Variants in KRT79 observed in about 807,000 individuals in gnomAD.
The protein encoded by KRT79 is keratin 79, also known as keratin, type II cytoskeletal 79.
KRT79 carries 51 observed loss-of-function variants against 49.0 expected under a neutral mutation model. The ratio of observed to expected loss-of-function variants is 1.04; its 90% CI spans 0.83 to 1.31. The LOEUF (loss-of-function observed/expected upper bound fraction) is 1.31, where lower values mean the gene tolerates loss of function less well. Ranked by LOEUF, KRT79 falls within the 40% of genes most tolerant of loss-of-function variation. The pLI is 0.00. For missense variants in KRT79, 728 were observed against 688.0 expected, an observed-to-expected ratio of 1.06 and a Z score of -0.65; for synonymous variants, 312 against 286.6, an observed-to-expected ratio of 1.09 and a Z score of -0.90.
rs762650014 is a variant in KRT79 at position 52,834,143 on chromosome 12, G to C, written c.118C>G (p.Arg40Gly). 7.4e-6 allele frequency: 12 copies of C among 1,613,374 alleles called. No individual in the cohort carries two copies. The highest frequency in any genetic ancestry group is 1.7e-5 in the Admixed American group (1 of 60,000). Residue 40 changes from arginine to glycine, a missense_variant, in exon 1 of 9, where the codon CGG becomes GGG. By Grantham distance (125) the Arg-to-Gly change is moderately radical. Transcript: ENST00000330553. ...RTSFSSVTVS[R>G]SSGSGGGAHC... ...GCCCCGCCACCACTGCCACTGCTCC[G>C]AGACACCGTCACTGAGCTGAAGCTG...
intron 4 of KRT79, 113 bp downstream of exon 4, chr12:52,829,910 T>A: frequency 4.6e-6 from 4 of 873,494 alleles, no homozygotes; most frequent in South Asian, 1.5e-5. Context: ...AGTGTTAAGG[T>A]TTCATCTTCC....
chr12:52,822,302 G>T, intron 8 of KRT79, 43 bp downstream of exon 8: 2 of 1,591,488 alleles, frequency 1.3e-6, no homozygotes, highest in African/African-American at 1.3e-5. Flanking sequence ...GAGTTCTGGG[G>T]CCTGGCCAGG....
chr12:52,833,929 G>A lies in KRT79; in HGVS notation c.332C>T (p.Pro111Leu), dbSNP rs1183779768. The A allele has an allele frequency of 4.3e-6, 7 of 1,613,682 alleles. No homozygotes were observed. The highest frequency in any genetic ancestry group is 5.9e-6 in the Non-Finnish European group (7 of 1,179,826). ...GACAGTGACCTCCTGGATCCCCCCAGGAGGACAAGCAGGCCCAAACGTCTG... is the reference window on the plus strand; with the variant it reads ...GACAGTGACCTCCTGGATCCCCCCAAGAGGACAAGCAGGCCCAAACGTCTG... ...GRQTFGPACP[P>L]GGIQEVTVNQ... The change falls in exon 1 of 9, where the codon CCT becomes CTT. Residue 111 changes from proline to leucine, a missense_variant. Physicochemically the swap from Pro to Leu is moderately conservative, Grantham distance 98. Coordinates refer to ENST00000330553, the MANE Select transcript of KRT79 (RefSeq NM_175834.3).
Position 52,822,153 on chromosome 12 carries a change from G to C in KRT79, c.1403-76C>G, listed in dbSNP as rs755150988. ...TGGGGGAGACCCAGAAATCAGTGGG[G>C]AATCAGAACAAAATCAAGCAGCAGA... is the stretch of plus-strand genomic sequence containing the variant. On this transcript the variant is annotated intron_variant, in intron 8 of 8. Coordinates refer to ENST00000330553, the MANE Select transcript of KRT79 (RefSeq NM_175834.3). The C allele has an allele frequency of 1.8e-5, 27 of 1,474,076 alleles. No individual in the cohort carries two copies. The African/African-American group carries it at 3.5e-4, about 19-fold the overall frequency. 91.3% of individuals were successfully genotyped at this position (1,474,076 alleles called of 1,614,324 possible). A position where few individuals can be genotyped will look rare whatever the true frequency, so the allele number is the denominator to read the frequency against.
Position 52,830,226 on chromosome 12 carries a change from G to A in KRT79, c.759+6C>T, listed in dbSNP as rs1317045420. 1 of 1,613,998 alleles carries A rather than the reference G, an allele frequency of 6.2e-7. No individual in the cohort carries two copies. Among genetic ancestry groups the A allele is most frequent in the East Asian group, 2.2e-5 (1 of 44,886 alleles). On this transcript the variant is annotated splice_donor_region_variant and intron_variant, in intron 3 of 8. Coordinates refer to ENST00000330553, the MANE Select transcript of KRT79 (RefSeq NM_175834.3). ...AGGACCACCTCCCCCACTCCACTCG[G>A]CTCACCTTCTTGAGCACCACAAACT...
chr12:52,823,717 C>A (rs1007886582), intron 6 of KRT79, among the ~76,000 whole-genome samples, 170 bp downstream of exon 6: 3 of 152,174 alleles, frequency 2.0e-5, no homozygotes, highest in Non-Finnish European at 4.4e-5. Flanking sequence ...TGGACAAGCT[C>A]CTTCCTGCTC....
At position 52,821,891 on chromosome 12, in the gene KRT79, G is replaced by T. The variant is rs376292220; in HGVS notation, c.1589C>A (p.Thr530Lys). ...CAGCAGCTAATACCTCTGGCTGGAC[G>T]TCTTGACCGTAGTGGTCTTCCGCAG... ...SILRKTTTVK[T>K]SSQRY The change falls in exon 9 of 9, where the codon ACG becomes AAG. Residue 530 changes from threonine (T) to lysine (K), a missense_variant. By Grantham distance (78) the Thr-to-Lys change is moderately conservative. Transcript: ENST00000330553. 1.2e-6 allele frequency: 2 copies of T among 1,613,948 alleles called. No homozygotes were observed. The highest frequency in any genetic ancestry group is 2.2e-5 in the South Asian group (2 of 91,062).
Position 52,822,009 on chromosome 12 carries a change from C to G in KRT79, c.1471G>C (p.Gly491Arg), listed in dbSNP as rs757697642. The G allele has an allele frequency of 1.9e-6, 3 of 1,614,232 alleles. No individual in the cohort carries two copies. The South Asian group carries it at 3.3e-5, about 18-fold the overall frequency. ...CCCTTGGTGGCCCCCCCACTCCCAC[C>G]CAGGGAGATGCCACCTCCAAAGCTG... Reference protein sequence around the residue: ...AASFGGGISLGGSGGATKGGF... With the variant: ...AASFGGGISLRGSGGATKGGF... The change falls in exon 9 of 9, where the codon GGT becomes CGT. Residue 491 changes from glycine to arginine, a missense_variant. By Grantham distance (125) the Gly-to-Arg change is moderately radical. Coordinates refer to ENST00000330553, the MANE Select transcript of KRT79 (RefSeq NM_175834.3).
chr12:52,821,613 C>CGCCGGATCACT lies in KRT79; in HGVS notation c.*258_*259insAGTGATCCGGC. 2.2e-5 allele frequency: 11 copies of CGCCGGATCACT among 494,322 alleles called. No homozygotes were observed. The highest frequency in any genetic ancestry group is 4.6e-5 in the South Asian group (2 of 43,478). 30.6% of individuals were successfully genotyped at this position (494,322 alleles called of 1,614,324 possible). ...AGAAATTCAGCCTCCTCTCGGTGGT[C>CGCCGGATCACT]AAAAGGTCACCCCCAAGTCACCCAA... On this transcript the variant is annotated 3_prime_UTR_variant, in exon 9 of 9. Transcript: ENST00000330553.
intron 8 of KRT79, 41 bp from the exon 9 acceptor site, chr12:52,822,118 C>A (rs1193186508): frequency 1.3e-6 from 2 of 1,598,346 alleles, no homozygotes; most frequent in Admixed American, 1.7e-5. Context: ...GCGGCCATGC[C>A]AGAGAGGGCT....
intron 4 of KRT79, among the ~76,000 whole-genome samples, chr12:52,827,393 T>C (rs1430335241): frequency 6.6e-6 from 1 of 152,170 alleles, no homozygotes; most frequent in African/African-American, 2.4e-5. Context: ...GAATGCTGAG[T>C]ATGCCAGCCA....
intron 2 of KRT79, among the ~76,000 whole-genome samples, chr12:52,830,617 A>G (rs2638500): frequency 0.67 from 101,265 of 152,170 alleles, 34,368 homozygotes; most frequent in African/African-American, 0.8. Context: ...GACCTTTACC[A>G]TCACTTTCAA....
At chr12:52,831,801 C>T (rs1190726378) in intron 1 of KRT79, among the ~76,000 whole-genome samples, 175 bp from the exon 2 acceptor site, 9 of 152,168 alleles carry the variant, frequency 5.9e-5, no homozygotes, top group African/African-American at 2.2e-4. Context: ...TGGAAACGAC[C>T]GTCCAATCTG....
rs766493970 is a variant in KRT79 at position 52,824,315 on chromosome 12, C to T, written c.903G>A (p.Leu301=). 3.1e-6 allele frequency: 5 copies of T among 1,614,088 alleles called. No individual in the cohort carries two copies. The highest frequency in any genetic ancestry group is 4.5e-5 in the East Asian group (2 of 44,890). Reference sequence around the variant, plus strand: ...CCAGGTTGCGGTTGTTGTCCATGGACAGCACCACATTGGTGTTAGACACGT... The same window carrying T: ...CCAGGTTGCGGTTGTTGTCCATGGATAGCACCACATTGGTGTTAGACACGT... ...QTHVSNTNVV[L]SMDNNRNLDL... is the part of the protein sequence containing the mutation. The change falls in exon 5 of 9, where the codon CTG becomes CTA. Residue 301 remains leucine (L), a synonymous_variant. Transcript: ENST00000330553.
chr12:52,822,312 G>C, intron 8 of KRT79, 33 bp downstream of exon 8: 1 of 1,600,442 alleles, frequency 6.2e-7, no homozygotes, highest in Non-Finnish European at 8.5e-7. Context: ...GCCTGGCCAG[G>C]GGTGGAGCAG....
chr12:52,831,608 G>T lies in KRT79; in HGVS notation c.496C>A (p.Gln166Lys). ...CACTTGGTCTCCAGCACCTTATTCT[G>T]TTGCTCCAGGAACCGCACCTGAGCC... Reference protein sequence around the residue: ...FIDKVRFLEQQNKVLETKWAL... With the variant: ...FIDKVRFLEQKNKVLETKWAL... Residue 166 changes from glutamine (Q) to lysine (K), a missense_variant, in exon 2 of 9, where the codon CAG (glutamine) becomes AAG (lysine). By Grantham distance (53) the Gln-to-Lys change is moderately conservative (BLOSUM62 1). Transcript: ENST00000330553. 1 of 1,614,122 alleles carries T rather than the reference G, an allele frequency of 6.2e-7. No homozygotes were observed. Among genetic ancestry groups the T allele is most frequent in the Non-Finnish European group, 8.5e-7 (1 of 1,179,974 alleles).
At chr12:52,826,126 T>A (rs186658873) in intron 4 of KRT79, among the ~76,000 whole-genome samples, 1 of 151,542 alleles carries the variant, frequency 6.6e-6, no homozygotes, top group Admixed American at 6.6e-5. Flanking sequence ...TCTAGCCCCA[T>A]GTCAGAGCAT....
In KRT79 at chr12:52,834,254, A is replaced by T; in HGVS notation, c.7T>A (p.Ser3Thr). The stretch of plus-strand genomic sequence containing the variant: ...GAGTATGTTTGCCGAGAGACGGAGG[A>T]CCTCATAGCTGCAGAGGGGCCGGAG... MR[S>T]SVSRQTYSTK... Residue 3 changes from serine to threonine, a missense_variant, in exon 1 of 9, where the codon TCC (serine) becomes ACC (threonine). By Grantham distance (58) the Ser-to-Thr change is moderately conservative. Transcript: ENST00000330553. 1.9e-6 allele frequency: 3 copies of T among 1,612,526 alleles called. No homozygotes were observed. Among genetic ancestry groups the T allele is most frequent in the Non-Finnish European group, 2.5e-6 (3 of 1,179,606 alleles).
At chr12:52,822,896 G>T in intron 7 of KRT79, 120 bp downstream of exon 7, 1 of 942,732 alleles carries the variant, frequency 1.1e-6, no homozygotes, top group Non-Finnish European at 1.6e-6. Flanking sequence ...CCCCCCGCGT[G>T]AGTCAGGATC....
Sources: allele counts gnomAD v4.1 joint callset (sites outside exome capture counted in the v4.1 genomes callset), GRCh38; gene constraint gnomAD v4.1.1; transcripts MANE v1.5; gene names NCBI Gene and HGNC (gene_info 2026-07-23, HGNC 2026-07-21).